Variants in CPEB4 observed in about 807,000 individuals in gnomAD.
The protein encoded by CPEB4 is cytoplasmic polyadenylation element-binding protein 4.
Under a neutral mutation model 72.5 loss-of-function variants are expected in CPEB4, and 12 were observed. The observed-to-expected ratio is 0.17, with a 90% CI of 0.11 to 0.27. The LOEUF (loss-of-function observed/expected upper bound fraction) is 0.27, where lower values mean the gene tolerates loss of function less well. Ranked by LOEUF, CPEB4 falls within the 10% of genes least tolerant of loss-of-function variation. CPEB4 has a pLI of 1.00. For missense variants in CPEB4, 614 were observed against 908.5 expected (o/e 0.68, Z 4.17); for synonymous variants, 302 against 326.3 (o/e 0.93, Z 0.80).
At position 173,888,535 on chromosome 5, in the gene CPEB4, AGCGGCGACG is replaced by A. The variant is rs1251365661; in HGVS notation, c.-1187_-1179del. ...AGCGGGGACTGCGGGACCAGGGTAA[AGCGGCGACG>A]GCGGCGACGGCCCAGCAACCGTGAG... is the stretch of plus-strand genomic sequence containing the variant. On this transcript the variant is annotated 5_prime_UTR_variant, in exon 1 of 10. Transcript: ENST00000265085. The surrounding 1 kb of genome is among the most constrained non-coding windows in gnomAD (Gnocchi z 4.3). 2.7e-5 allele frequency: 11 copies of A among 403,836 alleles called. No homozygotes were observed. Among genetic ancestry groups the A allele is most frequent in the African/African-American group, 1.2e-4 (6 of 48,558 alleles). 25.0% of individuals were successfully genotyped at this position (403,836 alleles called of 1,614,324 possible).
In CPEB4 at chr5:173,900,303, G is replaced by T. The variant is rs1328863526; in HGVS notation, c.1125+9445G>T. Among the ~76,000 whole-genome samples the T allele has an allele frequency of 6.6e-6, 1 of 152,122 alleles. No homozygotes were observed. The highest frequency in any genetic ancestry group is 1.5e-5 in the Non-Finnish European group (1 of 68,022). On this transcript the variant is annotated intron_variant, in intron 1 of 9. Coordinates refer to ENST00000265085, the MANE Select transcript of CPEB4 (RefSeq NM_030627.4). This position sits in a 1 kb window ranked among gnomAD's most constrained non-coding sequence, Gnocchi z 4.4. Reference sequence around the variant, plus strand: ...GCCTGTAGTCCCAGCTATTCTGGAGGCTGAGGCAGAATAATCACTTGAACC... The same window carrying T: ...GCCTGTAGTCCCAGCTATTCTGGAGTCTGAGGCAGAATAATCACTTGAACC...
chr5:173,942,607 TCTG>T (rs374883965), intron 3 of CPEB4, among the ~76,000 whole-genome samples: 134 of 152,340 alleles, frequency 8.8e-4, no homozygotes, highest in African/African-American at 3.2e-3. Context: ...TTATTTATCT[TCTG>T]GTGGTGAAAA....
At chr5:173,932,547 A>G in intron 3 of CPEB4, 47 bp downstream of exon 3, 1 of 1,410,990 alleles carries the variant, frequency 7.1e-7, no homozygotes, top group Non-Finnish European at 9.9e-7. Context: ...AAACTGATAC[A>G]GTAGTTGTGC....
chr5:173,949,656 C>T, intron 6 of CPEB4, 59 bp downstream of exon 6: 1 of 1,194,320 alleles, frequency 8.4e-7, no homozygotes, highest in South Asian at 1.3e-5. Flanking sequence ...TAATGTGTAG[C>T]CTTTTCATAA....
At chr5:173,936,677 A>G (rs1401116951) in intron 3 of CPEB4, among the ~76,000 whole-genome samples, 1 of 152,216 alleles carries the variant, frequency 6.6e-6, no homozygotes, top group Non-Finnish European at 1.5e-5. Flanking sequence ...AGTTACCTCA[A>G]ATTCCTCTGG....
At chr5:173,894,154 C>T (rs1195157377) in intron 1 of CPEB4, among the ~76,000 whole-genome samples, 4 of 151,984 alleles carry the variant, frequency 2.6e-5, no homozygotes, top group Non-Finnish European at 1.5e-5. Flanking sequence ...CTACTATGCC[C>T]GGCTAATTTT....
At chr5:173,902,252 G>A (rs936252494) in intron 1 of CPEB4, among the ~76,000 whole-genome samples, 1 of 152,042 alleles carries the variant, frequency 6.6e-6, no homozygotes, top group African/African-American at 2.4e-5. Context: ...CTTTACCAGG[G>A]AAAGTTTAAG....
chr5:173,950,309 T>G lies in CPEB4; in HGVS notation c.1665+231T>G, dbSNP rs1247840375. Among the ~76,000 whole-genome samples, 1 of 152,168 alleles carries G rather than the reference T, an allele frequency of 6.6e-6. No individual in the cohort carries two copies. The highest frequency in any genetic ancestry group is 1.9e-4 in the East Asian group (1 of 5,192). On this transcript the variant is annotated intron_variant, in intron 7 of 9. Coordinates refer to ENST00000265085, the MANE Select transcript of CPEB4 (RefSeq NM_030627.4). This position sits in a 1 kb window ranked among gnomAD's most constrained non-coding sequence, Gnocchi z 5.0. ...AAATATAATTGGTAAATCTTTATTT[T>G]TAAAAGATTTCACGGCTGGGCATGG... is the stretch of plus-strand genomic sequence containing the variant.
chr5:173,937,681 T>C (rs1757678747), intron 3 of CPEB4, among the ~76,000 whole-genome samples: 1 of 152,264 alleles, frequency 6.6e-6, no homozygotes. Flanking sequence ...AGATTATTTA[T>C]TGAGTATGTG....
intron 9 of CPEB4, chr5:173,953,548 CTT>C: frequency 2.6e-6 from 1 of 389,212 alleles, no homozygotes; most frequent in Non-Finnish European, 4.5e-6. Flanking sequence ...CATTCATTCA[CTT>C]AGTTTGTAAG....
intron 1 of CPEB4, among the ~76,000 whole-genome samples, chr5:173,909,182 C>T (rs1208777207): frequency 6.6e-6 from 1 of 152,214 alleles, no homozygotes; most frequent in African/African-American, 2.4e-5. Context: ...ACTCTTCCTT[C>T]CCTTTAATTT....
In CPEB4 at chr5:173,960,699, T is replaced by A. The variant is rs528448633; in HGVS notation, c.*4562T>A. ...GAAAGTCCGTATCTGGGAGGTTCAG[T>A]TTTGAGTCTTTGTCAATGAATAGTC... On this transcript the variant is annotated 3_prime_UTR_variant, in exon 10 of 10. Transcript: ENST00000265085. 3.3e-4 allele frequency: 50 copies of A among 152,264 alleles called. No individual in the cohort carries two copies. Among genetic ancestry groups the A allele is most frequent in the African/African-American group, 1.2e-3 (50 of 41,532 alleles). The allele number at this position is 152,264 out of a possible 1,614,324, so 9.4% of individuals were successfully genotyped here. A position where few individuals can be genotyped will look rare whatever the true frequency, so the allele number is the denominator to read the frequency against.
chr5:173,912,821 G>A (rs1364727345), intron 2 of CPEB4, among the ~76,000 whole-genome samples: 2 of 147,152 alleles, frequency 1.4e-5, no homozygotes, highest in East Asian at 4.0e-4. Context: ...CCACACCTAT[G>A]TTCCCAGTTA....
intron 1 of CPEB4, among the ~76,000 whole-genome samples, chr5:173,897,319 G>T (rs988622130): frequency 3.3e-5 from 5 of 152,178 alleles, no homozygotes; most frequent in African/African-American, 1.2e-4. Context: ...CATTAAAGGA[G>T]ACTACATTTT....
intron 9 of CPEB4, 38 bp downstream of exon 9, chr5:173,953,310 G>T: frequency 7.1e-7 from 1 of 1,401,622 alleles, no homozygotes; most frequent in South Asian, 1.7e-5. Flanking sequence ...TTCTAGAAAT[G>T]GTCCTCTAAA....
chr5:173,908,319 C>T (rs140787687), intron 1 of CPEB4, among the ~76,000 whole-genome samples: 49 of 152,192 alleles, frequency 3.2e-4, no homozygotes, highest in South Asian at 1.0e-3. Flanking sequence ...GGAAAGAATC[C>T]GGTGGAAGAG....
chr5:173,939,598 C>G (rs1757756583), intron 3 of CPEB4, among the ~76,000 whole-genome samples: 1 of 152,036 alleles, frequency 6.6e-6, no homozygotes, highest in Admixed American at 6.5e-5. Context: ...GAACATTTTG[C>G]TAGAGGGAAT....
Position 173,945,159 on chromosome 5 carries a change from A to G in CPEB4, c.1456+19A>G, listed in dbSNP as rs1301615754. On this transcript the variant is annotated intron_variant, in intron 5 of 9. Transcript: ENST00000265085. ...GATGAAGGTATGTTTAGAACTGTTT[A>G]TAGCACGGTGCCCAGATGGTGGCAC... The G allele has an allele frequency of 5.0e-6, 8 of 1,598,828 alleles. No homozygotes were observed. The highest frequency in any genetic ancestry group is 6.8e-6 in the Non-Finnish European group (8 of 1,168,678).
At chr5:173,943,072 AATGTATC>A in intron 4 of CPEB4, 23 bp downstream of exon 4, 1 of 1,609,838 alleles carries the variant, frequency 6.2e-7, no homozygotes, top group Non-Finnish European at 8.5e-7. Flanking sequence ...TTAACTTTTA[AATGTATC>A]ACTTGTATTT....
Sources: gnomAD v4.1 joint callset for allele counts (sites outside exome capture counted in the v4.1 genomes callset) on GRCh38, gnomAD v4.1.1 for gene constraint, Gnocchi (gnomAD v3.1) non-coding constraint, MANE v1.5 for transcripts, NCBI Gene and HGNC (gene_info 2026-07-23, HGNC 2026-07-21) for gene names.